GPC5: variants seen among roughly 807,000 people sequenced by gnomAD.
The protein encoded by GPC5 is glypican 5.
A neutral mutation model predicts 53.9 loss-of-function variants in GPC5; 47 were observed. The observed-to-expected ratio is 0.87, with a 90% confidence interval of 0.69 to 1.11. GPC5 has a LOEUF of 1.11. Among genes scored for constraint, GPC5 ranks in the 50% most tolerant of loss-of-function variants. The pLI, the probability that GPC5 is intolerant of heterozygous loss-of-function variation, is 0.00. For missense variants in GPC5, 748 were observed against 713.1 expected (o/e 1.05, Z -0.56); for synonymous variants, 286 against 263.3 (o/e 1.09, Z -0.84).
At chr13:92,582,634 G>A (rs1284654397) in intron 7 of GPC5, among the ~76,000 whole-genome samples, 3 of 152,100 alleles carry the variant, frequency 2.0e-5, no homozygotes, top group Non-Finnish European at 4.4e-5. Flanking sequence ...ACATGAGCAT[G>A]AGATATCTTT....
chr13:91,634,125 G>C (rs961059543), intron 2 of GPC5, among the ~76,000 whole-genome samples: 2 of 151,964 alleles, frequency 1.3e-5, no homozygotes, highest in African/African-American at 4.8e-5. Flanking sequence ...TGAGAATCCT[G>C]ATATTTCTTG....
chr13:91,804,152 A>G (rs946018335), intron 5 of GPC5, among the ~76,000 whole-genome samples: 22 of 152,236 alleles, frequency 1.4e-4, no homozygotes, highest in Non-Finnish European at 2.6e-4. Context: ...TCCTTGTACC[A>G]TGAACAAAAT....
intron 7 of GPC5, among the ~76,000 whole-genome samples, chr13:92,290,167 A>G (rs992934405): frequency 2.0e-5 from 3 of 152,214 alleles, no homozygotes; most frequent in African/African-American, 7.2e-5. Context: ...TGCTTTATAT[A>G]TGTGGGACTT....
At chr13:91,809,680 A>G (rs1334429613) in intron 5 of GPC5, among the ~76,000 whole-genome samples, 1 of 151,574 alleles carries the variant, frequency 6.6e-6, no homozygotes, top group Non-Finnish European at 1.5e-5. Flanking sequence ...CACACATAAA[A>G]CTCCCATCTC....
At chr13:92,350,246 G>T (rs1338645384) in intron 7 of GPC5, among the ~76,000 whole-genome samples, 1 of 151,912 alleles carries the variant, frequency 6.6e-6, no homozygotes, top group Non-Finnish European at 1.5e-5. Flanking sequence ...ACACATTTAA[G>T]GCCATATATG....
intron 7 of GPC5, among the ~76,000 whole-genome samples, chr13:92,718,524 A>G (rs1888404241): frequency 6.6e-6 from 1 of 152,150 alleles, no homozygotes; most frequent in Non-Finnish European, 1.5e-5. Flanking sequence ...GGAGATAGGG[A>G]ATAGAATGAT....
intron 7 of GPC5, among the ~76,000 whole-genome samples, chr13:92,168,625 C>T (rs1398835863): frequency 3.3e-5 from 5 of 152,108 alleles, no homozygotes; most frequent in African/African-American, 1.2e-4. Context: ...ATCAAAACCA[C>T]AACGAGATAC....
chr13:92,845,664 T>C (rs899364755), intron 7 of GPC5, among the ~76,000 whole-genome samples: 7 of 152,116 alleles, frequency 4.6e-5, no homozygotes, highest in African/African-American at 1.4e-4. Context: ...ACCAAATATC[T>C]GGGTATCCCA....
At chr13:91,658,149 G>A (rs939861362) in intron 2 of GPC5, among the ~76,000 whole-genome samples, 3 of 151,954 alleles carry the variant, frequency 2.0e-5, no homozygotes, top group Non-Finnish European at 4.4e-5. Flanking sequence ...CACATTGAAA[G>A]GGAAAAAAAT....
intron 2 of GPC5, among the ~76,000 whole-genome samples, chr13:91,581,348 G>C (rs1246738333): frequency 6.6e-6 from 1 of 152,172 alleles, no homozygotes; most frequent in Non-Finnish European, 1.5e-5. Flanking sequence ...CCCCATCATG[G>C]TCAGCTTTTG....
At chr13:92,149,910 T>C (rs985594699) in intron 7 of GPC5, among the ~76,000 whole-genome samples, 1 of 151,986 alleles carries the variant, frequency 6.6e-6, no homozygotes, top group African/African-American at 2.4e-5. Context: ...CAAACACATA[T>C]GCCTATAAGA....
At chr13:91,946,047 G>A (rs1381706098) in intron 6 of GPC5, among the ~76,000 whole-genome samples, 1 of 151,944 alleles carries the variant, frequency 6.6e-6, no homozygotes, top group South Asian at 2.1e-4. Flanking sequence ...CTACTTCTGG[G>A]TTCATGTATT....
chr13:92,649,324 C>T (rs1336680686), intron 7 of GPC5, among the ~76,000 whole-genome samples: 1 of 152,080 alleles, frequency 6.6e-6, no homozygotes, highest in African/African-American at 2.4e-5. Flanking sequence ...TAATTTGATT[C>T]TTGCCAATAA....
intron 1 of GPC5, among the ~76,000 whole-genome samples, chr13:91,421,235 G>A (rs1049707053): frequency 3.9e-5 from 6 of 152,124 alleles, no homozygotes; most frequent in African/African-American, 1.4e-4. Flanking sequence ...ATTTCCTTGT[G>A]TAGCCTGGGG....
intron 7 of GPC5, among the ~76,000 whole-genome samples, chr13:92,362,353 T>C (rs1411394999): frequency 6.6e-6 from 1 of 151,798 alleles, no homozygotes; most frequent in African/African-American, 2.4e-5. Context: ...GACAAATTTA[T>C]GGAAACATTA....
intron 2 of GPC5, among the ~76,000 whole-genome samples, chr13:91,517,338 C>T (rs531535828): frequency 5.3e-5 from 8 of 152,202 alleles, no homozygotes; most frequent in Non-Finnish European, 1.0e-4. Flanking sequence ...AGTGAATCAT[C>T]TCTCTCAAGT....
At chr13:91,727,629 G>C (rs1460165964) in intron 3 of GPC5, among the ~76,000 whole-genome samples, 1 of 152,090 alleles carries the variant, frequency 6.6e-6, no homozygotes, top group African/African-American at 2.4e-5. Context: ...AACTTTAAGG[G>C]AACTTTGGAA....
chr13:91,926,849 A>G (rs1443193305), intron 6 of GPC5, among the ~76,000 whole-genome samples: 2 of 152,220 alleles, frequency 1.3e-5, no homozygotes, highest in Non-Finnish European at 2.9e-5. Context: ...TGGACACAGT[A>G]CAGTACAAAA....
chr13:91,719,373 G>A lies in GPC5; in HGVS notation c.1021-9159G>A, dbSNP rs555264073. 8.5e-5 allele frequency among the ~76,000 whole-genome samples: 13 copies of A among 152,318 alleles called. No homozygotes were observed. The East Asian group carries it at 2.3e-3, about 27-fold the overall frequency. On this transcript the variant is annotated intron_variant, in intron 3 of 7. Coordinates refer to ENST00000377067, the MANE Select transcript of GPC5 (RefSeq NM_004466.6). ...CAAGTCTATGAAGCCTTACTTTCCT[G>A]TTTATACCAGTGACCATCAGGAGCT...
Sources: gnomAD v4.1 joint callset for allele counts (sites outside exome capture counted in the v4.1 genomes callset) on GRCh38, gnomAD v4.1.1 for gene constraint, MANE v1.5 for transcripts, NCBI Gene and HGNC (gene_info 2026-07-23, HGNC 2026-07-21) for gene names.